Variants in AIFM2 observed in about 807,000 individuals in gnomAD.
AIFM2 encodes AIF family member 2, ferroptosis suppressor.
Under a neutral mutation model 35.7 loss-of-function variants are expected in AIFM2, and 38 were observed. That is an observed-to-expected ratio of 1.06 (90% CI 0.82 to 1.39). AIFM2 has a LOEUF of 1.39. Among genes scored for constraint, AIFM2 ranks in the 40% most tolerant of loss-of-function variants. The pLI is 0.00. For synonymous variants in AIFM2, 185 were observed against 203.5 expected (o/e 0.91, Z 0.77); for missense variants, 476 against 491.2 (o/e 0.97, Z 0.29).
At chr10:70,118,334 G>A (rs1261375894) in intron 5 of AIFM2, 2 of 165,428 alleles carry the variant, frequency 1.2e-5, no homozygotes, top group Non-Finnish European at 2.6e-5. Flanking sequence ...CTTGCTGTCT[G>A]GGACAACACA....
intron 3 of AIFM2, among the ~76,000 whole-genome samples, chr10:70,122,177 G>A (rs780058103): frequency 6.6e-6 from 1 of 152,104 alleles, no homozygotes; most frequent in Non-Finnish European, 1.5e-5. Context: ...AATATATAAA[G>A]TTGACAAAAA....
chr10:70,119,442 A>G (rs1259739173), intron 5 of AIFM2, among the ~76,000 whole-genome samples: 3 of 152,176 alleles, frequency 2.0e-5, no homozygotes, highest in Non-Finnish European at 2.9e-5. Context: ...GTCTGCGCTA[A>G]CGCCAGGTAG....
chr10:70,117,739 G>T lies in AIFM2; in HGVS notation c.616+73C>A. On this transcript the variant is annotated intron_variant, in intron 6 of 8. Coordinates refer to ENST00000307864, the MANE Select transcript of AIFM2 (RefSeq NM_032797.6). This position sits in a 1 kb window ranked among gnomAD's most constrained non-coding sequence, Gnocchi z 4.7. ...GACCATAGCCACCCTCCTGCTGGAA[G>T]CAGTCACCAAGCCTCCAAGCCACAT... 1.6e-6 allele frequency: 2 copies of T among 1,263,180 alleles called. No homozygotes were observed. Among genetic ancestry groups the T allele is most frequent in the Non-Finnish European group, 1.1e-6 (1 of 905,850 alleles). 78.2% of individuals were successfully genotyped at this position (1,263,180 alleles called of 1,614,324 possible).
Position 70,122,619 on chromosome 10 carries a change from C to T in AIFM2, c.294+786G>A, listed in dbSNP as rs557357168. 5.3e-5 allele frequency among the ~76,000 whole-genome samples: 8 copies of T among 152,272 alleles called. No individual in the cohort carries two copies. In the South Asian group the frequency reaches 1.2e-3, roughly 24 times the overall value. The stretch of plus-strand genomic sequence containing the variant: ...CCTCTGCCCCAGTGACGTCCCGATC[C>T]GGGGGATGTGGGACCATGCGTGTGC... On this transcript the variant is annotated intron_variant, in intron 3 of 8. Coordinates refer to ENST00000307864, the MANE Select transcript of AIFM2 (RefSeq NM_032797.6).
At chr10:70,128,482 C>G (rs2072592902) in intron 1 of AIFM2, among the ~76,000 whole-genome samples, 1 of 152,226 alleles carries the variant, frequency 6.6e-6, no homozygotes, top group South Asian at 2.1e-4. Flanking sequence ...CCTCAGCCTC[C>G]CAGGTAGCTG....
chr10:70,127,756 G>C (rs539265285), intron 1 of AIFM2, among the ~76,000 whole-genome samples: 1 of 152,350 alleles, frequency 6.6e-6, no homozygotes, highest in South Asian at 2.1e-4. Context: ...ACCCAAGGAA[G>C]GCAAATTGCT....
chr10:70,120,993 T>A, intron 4 of AIFM2, 99 bp downstream of exon 4: 1 of 1,514,458 alleles, frequency 6.6e-7, no homozygotes. Context: ...AGCCAGCAGC[T>A]CTGAGTAACC....
rs777418200 is a variant in AIFM2, at chr10:70,114,188, G to A, written c.1112C>T (p.Ser371Phe). 3.7e-6 allele frequency: 6 copies of A among 1,612,894 alleles called. No individual in the cohort carries two copies. In the Admixed American group the frequency reaches 1.0e-4, roughly 27 times the overall value. ...VSTSWKTMRQSPP is the reference protein window; with the variant it reads ...VSTSWKTMRQFPP ...CGCCTGGCCTCTCCATCAAGGTGGA[G>A]ACTGCCTCATGGTTTTCCAGCTCGT... Residue 371 changes from serine to phenylalanine, a missense_variant, in exon 9 of 9, where the codon TCT becomes TTT. Transcript: ENST00000307864.
At chr10:70,121,467 G>A (rs1230163579) in intron 3 of AIFM2, among the ~76,000 whole-genome samples, 6 of 152,034 alleles carry the variant, frequency 3.9e-5, no homozygotes, top group Admixed American at 3.3e-4. Flanking sequence ...GAGAATGTGG[G>A]GGCAACTGGA....
Position 70,115,140 on chromosome 10 carries a change from C to T in AIFM2, c.770-20G>A, listed in dbSNP as rs779486195. 50 of 1,611,706 alleles carry T rather than the reference C, an allele frequency of 3.1e-5. No individual in the cohort carries two copies. The highest frequency in any genetic ancestry group is 1.6e-4 in the Middle Eastern group (1 of 6,078). ...TGCTCTCTGCCAGAAGAAATGACAC[C>T]GAAACCAAGACACTGAGCTGCTGTG... On this transcript the variant is annotated intron_variant, in intron 7 of 8. Transcript: ENST00000307864.
Position 70,123,394 on chromosome 10 carries a change from C to T in AIFM2, c.294+11G>A. The T allele has an allele frequency of 6.2e-7, 1 of 1,612,108 alleles. No individual in the cohort carries two copies. On this transcript the variant is annotated intron_variant, in intron 3 of 8. Coordinates refer to ENST00000307864, the MANE Select transcript of AIFM2 (RefSeq NM_032797.6). ...TTGAGCCAGCTGGCAGCCGGGCTGG[C>T]CCTCACTCACCTCGCCACCCTGCAG...
chr10:70,128,029 G>C (rs1450255900), intron 1 of AIFM2, among the ~76,000 whole-genome samples: 1 of 152,230 alleles, frequency 6.6e-6, no homozygotes, highest in Non-Finnish European at 1.5e-5. Flanking sequence ...CTTTGGCTCT[G>C]CCAGTGTCGG....
chr10:70,130,915 A>G (rs2072620098), intron 1 of AIFM2, among the ~76,000 whole-genome samples: 1 of 152,090 alleles, frequency 6.6e-6, no homozygotes, highest in African/African-American at 2.4e-5. Context: ...TCCCTGCCAC[A>G]ACACACATAC....
chr10:70,125,361 G>A (rs1221057751), intron 1 of AIFM2, among the ~76,000 whole-genome samples: 1 of 145,060 alleles, frequency 6.9e-6, no homozygotes, highest in Non-Finnish European at 1.5e-5. Context: ...AGCACTTTGG[G>A]AGGCTGAGGA....
At chr10:70,115,732 C>A (rs1281801772) in intron 7 of AIFM2, among the ~76,000 whole-genome samples, 1 of 152,210 alleles carries the variant, frequency 6.6e-6, no homozygotes, top group Non-Finnish European at 1.5e-5. Context: ...CGCCACTGCA[C>A]TCCAGCCTGG....
chr10:70,112,638 A>G lies in AIFM2; in HGVS notation c.*1540T>C, dbSNP rs1488827301. 6.7e-6 allele frequency: 1 copy of G among 148,732 alleles called. No individual in the cohort carries two copies. The highest frequency in any genetic ancestry group is 1.5e-5 in the Non-Finnish European group (1 of 67,066). 9.2% of individuals were successfully genotyped at this position (148,732 alleles called of 1,614,324 possible). Reference sequence around the variant, plus strand: ...GCTGGTGTCCCAAGGACTCTGCCCGAGTACCCAGAGGCCACCATCAAAAGG... The same window carrying G: ...GCTGGTGTCCCAAGGACTCTGCCCGGGTACCCAGAGGCCACCATCAAAAGG... On this transcript the variant is annotated 3_prime_UTR_variant, in exon 9 of 9. Transcript: ENST00000307864.
At chr10:70,128,167 A>G (rs967462406) in intron 1 of AIFM2, among the ~76,000 whole-genome samples, 17 of 152,226 alleles carry the variant, frequency 1.1e-4, no homozygotes, top group Admixed American at 5.2e-4. Context: ...AGGAGATGAA[A>G]ATGCACGTAT....
chr10:70,121,120 A>G lies in AIFM2; in HGVS notation c.386T>C (p.Ile129Thr). 6.3e-7 allele frequency: 1 copy of G among 1,585,146 alleles called. No homozygotes were observed. The highest frequency in any genetic ancestry group is 8.6e-7 in the Non-Finnish European group (1 of 1,163,022). Reference sequence around the variant, plus strand: ...CCTCACCATGTCCTCATAGGCCTGGATAGCGGCCTGCTGGCTGGAAACCTC... The same window carrying G: ...CCTCACCATGTCCTCATAGGCCTGGGTAGCGGCCTGCTGGCTGGAAACCTC... ...FNEVSSQQAA[I>T]QAYEDMVRQV... The change falls in exon 4 of 9, where the codon ATC (isoleucine) becomes ACC (threonine). Residue 129 changes from isoleucine (I) to threonine (T), a missense_variant. Physicochemically the swap from Ile to Thr is moderately conservative, Grantham distance 89. Coordinates refer to ENST00000307864, the MANE Select transcript of AIFM2 (RefSeq NM_032797.6).
In AIFM2 at chr10:70,117,012, G is replaced by A. The variant is rs567270832; in HGVS notation, c.617-238C>T. On this transcript the variant is annotated intron_variant, in intron 6 of 8. Coordinates refer to ENST00000307864, the MANE Select transcript of AIFM2 (RefSeq NM_032797.6). This position sits in a 1 kb window ranked among gnomAD's most constrained non-coding sequence, Gnocchi z 4.7. Reference sequence around the variant, plus strand: ...AAAAGTTCCAAGAAGCCCCTGGAGGGAAGCGAGGCTGTTTCCCAAGAAGTT... The same window carrying A: ...AAAAGTTCCAAGAAGCCCCTGGAGGAAAGCGAGGCTGTTTCCCAAGAAGTT... Among the ~76,000 whole-genome samples the A allele has an allele frequency of 6.6e-6, 1 of 152,346 alleles. No individual in the cohort carries two copies. Among genetic ancestry groups the A allele is most frequent in the African/African-American group, 2.4e-5 (1 of 41,594 alleles).
Sources: allele counts gnomAD v4.1 joint callset (sites outside exome capture counted in the v4.1 genomes callset), GRCh38; gene constraint gnomAD v4.1.1; non-coding constraint Gnocchi (gnomAD v3.1); transcripts MANE v1.5; gene names NCBI Gene and HGNC (gene_info 2026-07-23, HGNC 2026-07-21).